The following TOX variants were observed in gnomAD, a reference collection of about 807,000 sequenced individuals.
TOX encodes thymocyte selection-associated high mobility group box protein TOX.
In TOX, 11 loss-of-function variants were observed where a neutral mutation model predicts 53.7. The observed-to-expected ratio is 0.20, with a 90% confidence interval of 0.13 to 0.34. TOX has a LOEUF of 0.34. Among genes scored for constraint, TOX ranks in the 10% least tolerant of loss-of-function variants. The pLI is 1.00. For missense variants in TOX, 570 were observed against 664.6 expected (o/e 0.86, Z 1.56); for synonymous variants, 225 against 245.3 (o/e 0.92, Z 0.77).
chr8:58,843,867 C>T (rs1046493994), intron 4 of TOX, among the ~76,000 whole-genome samples: 5 of 152,168 alleles, frequency 3.3e-5, no homozygotes, highest in African/African-American at 1.2e-4. Context: ...ATTGTTGTGT[C>T]CAAAGCCTCC....
At chr8:58,865,418 C>T (rs377389052) in intron 3 of TOX, among the ~76,000 whole-genome samples, 1 of 151,776 alleles carries the variant, frequency 6.6e-6, no homozygotes, top group Non-Finnish European at 1.5e-5. Flanking sequence ...TTGGTATCCT[C>T]GTACTTTTTT....
At chr8:58,856,688 C>T (rs190823103) in intron 3 of TOX, among the ~76,000 whole-genome samples, 44 of 151,594 alleles carry the variant, frequency 2.9e-4, no homozygotes, top group Non-Finnish European at 4.7e-4. Context: ...GAAATGTAAG[C>T]GGAATCCTCG....
intron 2 of TOX, among the ~76,000 whole-genome samples, chr8:58,958,330 T>C (rs1381159993): frequency 6.6e-6 from 1 of 152,224 alleles, no homozygotes; most frequent in Non-Finnish European, 1.5e-5. Context: ...TTTCCAATCC[T>C]TTATCCAAAA....
At chr8:59,053,926 A>G (rs1363059896) in intron 1 of TOX, among the ~76,000 whole-genome samples, 2 of 152,232 alleles carry the variant, frequency 1.3e-5, no homozygotes, top group East Asian at 3.8e-4. Context: ...TACATTTTCA[A>G]AAAGAAAATC....
chr8:58,907,207 C>A (rs1003043982), intron 3 of TOX, among the ~76,000 whole-genome samples: 5 of 152,162 alleles, frequency 3.3e-5, no homozygotes, highest in East Asian at 3.9e-4. Context: ...GAAGTAGGTC[C>A]CCTGGAAATG....
intron 1 of TOX, among the ~76,000 whole-genome samples, chr8:58,974,712 A>G (rs1813060137): frequency 6.6e-6 from 1 of 152,202 alleles, no homozygotes; most frequent in South Asian, 2.1e-4. Context: ...TACACATAAA[A>G]ACTGCCACTT....
At chr8:58,939,867 G>A (rs1440236330) in intron 2 of TOX, among the ~76,000 whole-genome samples, 1 of 152,170 alleles carries the variant, frequency 6.6e-6, no homozygotes, top group East Asian at 1.9e-4. Context: ...CATGGGAATT[G>A]TACGGAAGGA....
At chr8:59,101,312 C>T (rs77565918) in intron 1 of TOX, among the ~76,000 whole-genome samples, 2,635 of 152,188 alleles carry the variant, frequency 0.017, 79 homozygotes, top group African/African-American at 0.059. Flanking sequence ...CAGTTCCTGG[C>T]ACAAAATAAC....
At chr8:58,830,165 C>G (rs1810429337) in intron 5 of TOX, among the ~76,000 whole-genome samples, 1 of 152,140 alleles carries the variant, frequency 6.6e-6, no homozygotes, top group South Asian at 2.1e-4. Flanking sequence ...AAATAAAGTA[C>G]AAAGTTGGCC....
intron 1 of TOX, 60 bp from the exon 2 acceptor site, chr8:58,960,068 ATTTGT>A (rs746560905): frequency 1.6e-5 from 26 of 1,581,380 alleles, no homozygotes; most frequent in South Asian, 2.2e-5. Flanking sequence ...TTTGGTTTTT[ATTTGT>A]TTTGTTTTGT....
chr8:58,843,268 C>T (rs1331315108), intron 4 of TOX, among the ~76,000 whole-genome samples: 1 of 152,176 alleles, frequency 6.6e-6, no homozygotes, highest in Non-Finnish European at 1.5e-5. Context: ...GAAGACCAAT[C>T]TAAAGGATAC....
intron 3 of TOX, among the ~76,000 whole-genome samples, chr8:58,877,776 G>A (rs1811310534): frequency 6.6e-6 from 1 of 151,974 alleles, no homozygotes; most frequent in Admixed American, 6.6e-5. Context: ...ACATGTGCAG[G>A]CCTTTCAAAC....
At chr8:58,811,381 G>C (rs2129163891) in intron 7 of TOX, among the ~76,000 whole-genome samples, 1 of 152,290 alleles carries the variant, frequency 6.6e-6, no homozygotes. Flanking sequence ...ACATGATAAA[G>C]ATTAATTTGA....
At chr8:59,017,556 A>C (rs1468001466) in intron 1 of TOX, among the ~76,000 whole-genome samples, 1 of 152,222 alleles carries the variant, frequency 6.6e-6, no homozygotes, top group Non-Finnish European at 1.5e-5. Flanking sequence ...TTTCATAGAG[A>C]TATTCCATTA....
intron 1 of TOX, among the ~76,000 whole-genome samples, chr8:58,962,834 A>G (rs905044975): frequency 6.6e-6 from 1 of 152,136 alleles, no homozygotes; most frequent in Non-Finnish European, 1.5e-5. Flanking sequence ...CTGGCAGAAA[A>G]CTGAGAGAGG....
At chr8:59,001,209 G>A (rs1813682865) in intron 1 of TOX, among the ~76,000 whole-genome samples, 1 of 152,114 alleles carries the variant, frequency 6.6e-6, no homozygotes, top group Admixed American at 6.5e-5. Flanking sequence ...GGGTTTAGAT[G>A]GATAATCAAG....
chr8:59,027,535 A>G (rs966655551), intron 1 of TOX, among the ~76,000 whole-genome samples: 1 of 152,076 alleles, frequency 6.6e-6, no homozygotes, highest in Non-Finnish European at 1.5e-5. Flanking sequence ...GTTTGACAGC[A>G]CCAACTGGTT....
At chr8:59,020,230 T>C (rs1233465732) in intron 1 of TOX, among the ~76,000 whole-genome samples, 1 of 152,216 alleles carries the variant, frequency 6.6e-6, no homozygotes, top group Non-Finnish European at 1.5e-5. Flanking sequence ...AGAGTTCTTG[T>C]TTTTAATGTG....
intron 7 of TOX, among the ~76,000 whole-genome samples, chr8:58,814,233 C>G (rs913035210): frequency 2.0e-5 from 3 of 152,084 alleles, no homozygotes; most frequent in Admixed American, 1.3e-4. Context: ...CGATCCCAGT[C>G]CAACTAAAGA....
Sources: allele counts gnomAD v4.1 joint callset (sites outside exome capture counted in the v4.1 genomes callset), GRCh38; gene constraint gnomAD v4.1.1; transcripts MANE v1.5; gene names NCBI Gene and HGNC (gene_info 2026-07-23, HGNC 2026-07-21).